Variants in MYOM3 observed in about 807,000 individuals in gnomAD.
MYOM3 encodes the protein myomesin-3.
Under a neutral mutation model 191.7 loss-of-function variants are expected in MYOM3, and 155 were observed. That is an observed-to-expected ratio of 0.81 (90% confidence interval 0.71 to 0.92). MYOM3 has a LOEUF of 0.92. MYOM3 is among the 40% of genes least tolerant of loss of function. The probability of loss-of-function intolerance (pLI) is 0.00; values close to 1 mark genes in which losing one functional copy is unlikely to be tolerated. For synonymous variants in MYOM3, 757 were observed against 762.9 expected, an observed-to-expected ratio of 0.99 and a Z score of 0.13; for missense variants, 1,889 against 1,890.6, an observed-to-expected ratio of 1.00 and a Z score of 0.02.
chr1:24,092,864 T>TGCCTAAGGTTCCAC (rs1402935638), intron 10 of MYOM3, 83 bp downstream of exon 10: 2 of 1,337,312 alleles, frequency 1.5e-6, no homozygotes, highest in Non-Finnish European at 2.0e-6. Context: ...GCAGGGTCCT[T>TGCCTAAGGTTCCAC]GCCTAAGGTT....
chr1:24,108,847 G>A (rs1644017557), intron 1 of MYOM3, among the ~76,000 whole-genome samples, 193 bp from the exon 2 acceptor site: 3 of 152,206 alleles, frequency 2.0e-5, no homozygotes, highest in Non-Finnish European at 4.4e-5. Context: ...CTTGGGCTCT[G>A]AGCCAGGCTT....
intron 36 of MYOM3, 100 bp downstream of exon 36, chr1:24,058,824 G>C: frequency 1.1e-6 from 1 of 900,014 alleles, no homozygotes; most frequent in Non-Finnish European, 1.8e-6. Context: ...GCCACTCTTT[G>C]GCTTTGAATC....
At chr1:24,096,762 G>C (rs1011979143) in intron 7 of MYOM3, among the ~76,000 whole-genome samples, 2 of 145,984 alleles carry the variant, frequency 1.4e-5, no homozygotes, top group African/African-American at 5.0e-5. Context: ...GTGTGCACAC[G>C]TGGGCTTCTC....
chr1:24,104,803 T>C (rs1444836360), intron 5 of MYOM3, among the ~76,000 whole-genome samples: 1 of 152,198 alleles, frequency 6.6e-6, no homozygotes, highest in East Asian at 1.9e-4. Context: ...CCTCCTTGGC[T>C]TCCCAAAGTG....
At chr1:24,110,290 AG>A (rs1224001492) in intron 1 of MYOM3, among the ~76,000 whole-genome samples, 2 of 152,092 alleles carry the variant, frequency 1.3e-5, no homozygotes, top group African/African-American at 4.8e-5. Context: ...CTGTGGGGTC[AG>A]CTCTGTCTGG....
At chr1:24,068,393 T>C in intron 25 of MYOM3, 26 bp from the exon 26 acceptor site, 1 of 1,612,678 alleles carries the variant, frequency 6.2e-7, no homozygotes, top group Non-Finnish European at 8.5e-7. Context: ...TCCAGAGTCC[T>C]TTTCCCTGTT....
chr1:24,095,048 A>G, intron 8 of MYOM3, 58 bp from the exon 9 acceptor site: 1 of 1,555,418 alleles, frequency 6.4e-7, no homozygotes, highest in Non-Finnish European at 8.7e-7. Context: ...CTGGCCTGGG[A>G]CTTAGGAGTG....
chr1:24,092,295 C>G lies in MYOM3; in HGVS notation c.1111G>C (p.Gly371Arg). ...ACGTTCAGTGGGGAGCCTGGGGCCCCGGGGTTCTCGGCCTCGGCATCTGAA... is the reference window on the plus strand; with the variant it reads ...ACGTTCAGTGGGGAGCCTGGGGCCCGGGGGTTCTCGGCCTCGGCATCTGAA... The part of the protein sequence containing the change: ...LVRDAEAENP[G>R]APGSPLNVRC... The change falls in exon 11 of 37, where the codon GGG (glycine) becomes CGG (arginine). Residue 371 changes from glycine (G) to arginine (R), a missense_variant. Transcript: ENST00000374434. 1.5e-6 allele frequency: 2 copies of G among 1,357,564 alleles called. No individual in the cohort carries two copies. The highest frequency in any genetic ancestry group is 2.3e-4 in the Middle Eastern group (1 of 4,350). The allele number at this position is 1,357,564 out of a possible 1,614,324, so 84.1% of individuals were successfully genotyped here.
intron 20 of MYOM3, among the ~76,000 whole-genome samples, chr1:24,077,429 C>T (rs1376137682): frequency 6.6e-6 from 1 of 152,230 alleles, no homozygotes; most frequent in East Asian, 1.9e-4. Context: ...AGTATCCCCA[C>T]ATCCATCACG....
Position 24,084,551 on chromosome 1 carries a change from C to T in MYOM3, c.1887G>A (p.Glu629=), listed in dbSNP as rs1198631235. ...SLTWDPVKDP[E]LLGYYIYSRK... ...GGGAGTAGATGTAATAACCCAGGAGCTCTGGGTCTTTCACAGGATCCCATG... is the reference window on the plus strand; with the variant it reads ...GGGAGTAGATGTAATAACCCAGGAGTTCTGGGTCTTTCACAGGATCCCATG... The change falls in exon 16 of 37, where the codon GAG becomes GAA. Residue 629 remains glutamate, a synonymous_variant. Coordinates refer to ENST00000374434, the MANE Select transcript of MYOM3 (RefSeq NM_152372.4). The T allele has an allele frequency of 6.2e-7, 1 of 1,613,766 alleles. No homozygotes were observed. The highest frequency in any genetic ancestry group is 8.5e-7 in the Non-Finnish European group (1 of 1,179,692).
chr1:24,096,838 G>A (rs1287931577), intron 7 of MYOM3, among the ~76,000 whole-genome samples: 2 of 152,232 alleles, frequency 1.3e-5, no homozygotes, highest in Non-Finnish European at 2.9e-5. Context: ...ACCCCCTTGG[G>A]CAGTGCCCTG....
chr1:24,068,958 A>G (rs1239317346), intron 25 of MYOM3, among the ~76,000 whole-genome samples: 1 of 152,094 alleles, frequency 6.6e-6, no homozygotes, highest in Non-Finnish European at 1.5e-5. Flanking sequence ...TCCTGGCCTC[A>G]AGTGATCTGC....
At position 24,067,957 on chromosome 1, in the gene MYOM3, C is replaced by T. The variant is rs772003017; in HGVS notation, c.3355+13G>A. 6.2e-7 allele frequency: 1 copy of T among 1,613,884 alleles called. No homozygotes were observed. The highest frequency in any genetic ancestry group is 1.1e-5 in the South Asian group (1 of 91,080). On this transcript the variant is annotated intron_variant, in intron 27 of 36. Coordinates refer to ENST00000374434, the MANE Select transcript of MYOM3 (RefSeq NM_152372.4). ...TGGCCAGGGATTTTGAACTTCACCCCAGCAGCTCTTACCCTGTTTTCTCTT... is the reference window on the plus strand; with the variant it reads ...TGGCCAGGGATTTTGAACTTCACCCTAGCAGCTCTTACCCTGTTTTCTCTT...
chr1:24,067,635 T>C (rs1345529616), intron 27 of MYOM3, among the ~76,000 whole-genome samples: 1 of 151,966 alleles, frequency 6.6e-6, no homozygotes, highest in African/African-American at 2.4e-5. Context: ...CTAATTTTTG[T>C]ATTTTTCATA....
At chr1:24,079,939 GA>G (rs1341803304) in intron 20 of MYOM3, 76 bp downstream of exon 20, 1 of 1,288,210 alleles carries the variant, frequency 7.8e-7, no homozygotes, top group Non-Finnish European at 1.1e-6. Context: ...GTGATGTCTG[GA>G]GGTCATTCCA....
At chr1:24,108,409 C>A in intron 2 of MYOM3, 67 bp downstream of exon 2, 1 of 1,426,880 alleles carries the variant, frequency 7.0e-7, no homozygotes, top group Non-Finnish European at 9.2e-7. Flanking sequence ...CTAGGCTGGG[C>A]CTCCCTCCTC....
chr1:24,091,589 C>G (rs1643831429), intron 11 of MYOM3, among the ~76,000 whole-genome samples: 4 of 152,210 alleles, frequency 2.6e-5, no homozygotes, highest in Non-Finnish European at 5.9e-5. Flanking sequence ...AAAGTCATCT[C>G]CCCACATACT....
Position 24,082,057 on chromosome 1 carries a change from C to A in MYOM3, c.2224G>T (p.Glu742Ter), listed in dbSNP as rs762995022. ...TTGACCGCATGCCAGTCCAGCTCTT[C>A]CGAGTCATGCTGGTCCAGGAAGTAG... is the stretch of plus-strand genomic sequence containing the variant. ...LGYFLDQHDS[E>*]ELDWHAVNQQ... is the part of the protein sequence containing the mutation. Residue 742 changes from glutamate (E) to a stop codon, truncating the protein, a stop_gained, in exon 18 of 37, where the codon GAA becomes TAA. Coordinates refer to ENST00000374434, the MANE Select transcript of MYOM3 (RefSeq NM_152372.4). LOFTEE classifies it high-confidence loss of function. The A allele has an allele frequency of 1.9e-6, 3 of 1,612,546 alleles. No individual in the cohort carries two copies. The highest frequency in any genetic ancestry group is 1.7e-5 in the Admixed American group (1 of 59,974).
intron 5 of MYOM3, among the ~76,000 whole-genome samples, chr1:24,104,737 T>C (rs115237705): frequency 0.015 from 2,289 of 152,264 alleles, 60 homozygotes; most frequent in African/African-American, 0.053. Context: ...CCTGTAGAGA[T>C]GGGGTCTCGC....
Sources: gnomAD v4.1 joint callset for allele counts (sites outside exome capture counted in the v4.1 genomes callset) on GRCh38, gnomAD v4.1.1 for gene constraint, MANE v1.5 for transcripts, NCBI Gene and HGNC (gene_info 2026-07-23, HGNC 2026-07-21) for gene names.